Variants in ADRA1B observed in about 807,000 individuals in gnomAD.
The protein encoded by ADRA1B is alpha-1B adrenergic receptor.
Under a neutral mutation model 17.9 loss-of-function variants are expected in ADRA1B, and 17 were observed. The observed-to-expected ratio is 0.95, with a 90% CI of 0.65 to 1.42. The LOEUF (loss-of-function observed/expected upper bound fraction) is 1.42. ADRA1B is among the 40% of genes most tolerant of loss of function. The pLI is 0.00. For missense variants in ADRA1B, 681 were observed against 722.1 expected (o/e 0.94, Z 0.65); for synonymous variants, 366 against 327.6 (o/e 1.12, Z -1.27).
Position 159,917,506 on chromosome 5 carries a change from C to T in ADRA1B, c.601C>T (p.Pro201Ser), listed in dbSNP as rs760728132. The T allele has an allele frequency of 1.2e-6, 2 of 1,614,052 alleles. No homozygotes were observed. The highest frequency in any genetic ancestry group is 1.1e-5 in the South Asian group (1 of 91,062). ...CAAGGAGTGCGGGGTCACCGAAGAA[C>T]CCTTCTATGCCCTCTTCTCCTCTCT... ...DDKECGVTEE[P>S]FYALFSSLGS... is the part of the protein sequence containing the mutation. The change falls in exon 1 of 2, where the codon CCC (proline) becomes TCC (serine). Residue 201 changes from proline (P) to serine (S), a missense_variant. Around this residue, in one of 3 missense-constraint regions of ADRA1B, gnomAD observed 424 missense variants for 480.2 expected, o/e 0.88. Coordinates refer to ENST00000306675, the MANE Select transcript of ADRA1B (RefSeq NM_000679.4).
At chr5:159,952,798 C>T (rs1016417861) in intron 1 of ADRA1B, among the ~76,000 whole-genome samples, 1 of 152,134 alleles carries the variant, frequency 6.6e-6, no homozygotes, top group African/African-American at 2.4e-5. Context: ...CTGTATTTTT[C>T]TTTGAATTTT....
At chr5:159,884,458 T>C (rs1461681239) in intron 1 of ADRA1B, among the ~76,000 whole-genome samples, 3 of 152,194 alleles carry the variant, frequency 2.0e-5, no homozygotes, top group Non-Finnish European at 4.4e-5. Flanking sequence ...CTCTCTTGTG[T>C]ATGTTCTCTT....
intron 1 of ADRA1B, among the ~76,000 whole-genome samples, chr5:159,897,569 A>C (rs1402752868): frequency 1.3e-5 from 2 of 152,156 alleles, no homozygotes; most frequent in African/African-American, 4.8e-5. Context: ...CCACTGCCAG[A>C]AATGTTTCCT....
intron 1 of ADRA1B, among the ~76,000 whole-genome samples, chr5:159,957,147 C>T (rs1755570780): frequency 6.6e-6 from 1 of 152,174 alleles, no homozygotes; most frequent in Non-Finnish European, 1.5e-5. Flanking sequence ...GCTGGAATTA[C>T]AGGTTTGAGC....
At chr5:159,947,634 C>T (rs1755313469) in intron 1 of ADRA1B, 2 of 873,274 alleles carry the variant, frequency 2.3e-6, no homozygotes, top group African/African-American at 3.6e-5. Flanking sequence ...CAAATTAACG[C>T]TAAAGCTATT....
chr5:159,978,898 G>T, the ADRA1B span, among the ~76,000 whole-genome samples: 24,999 of 152,158 alleles, frequency 0.16, 3,672 homozygotes, highest in African/African-American at 0.4. Flanking sequence ...AGTACTTCAT[G>T]CACTCATTTG....
intron 1 of ADRA1B, among the ~76,000 whole-genome samples, chr5:159,958,446 AT>A (rs1466439901): frequency 2.6e-5 from 4 of 151,994 alleles, no homozygotes; most frequent in Admixed American, 6.6e-5. Flanking sequence ...CTGCCCTAGG[AT>A]TTTTTTTAAT....
At chr5:159,962,919 CTTTT>C (rs1471783077) in intron 1 of ADRA1B, among the ~76,000 whole-genome samples, 2 of 76,666 alleles carry the variant, frequency 2.6e-5, no homozygotes, top group Non-Finnish European at 5.3e-5. Flanking sequence ...TTCTTTCTTT[CTTTT>C]TCTTTTCTTT....
intron 1 of ADRA1B, among the ~76,000 whole-genome samples, chr5:159,920,942 C>T (rs1466693415): frequency 6.6e-6 from 1 of 152,140 alleles, no homozygotes; most frequent in Non-Finnish European, 1.5e-5. Flanking sequence ...GTAGGAGCAA[C>T]TTCCAATTGG....
At chr5:159,869,385 A>C (rs1753706944) in intron 1 of ADRA1B, 1 of 152,232 alleles carries the variant, frequency 6.6e-6, no homozygotes, top group African/African-American at 2.4e-5. Context: ...GAGGAACTAA[A>C]GTTCTTTTAA....
the ADRA1B span, among the ~76,000 whole-genome samples, chr5:159,980,298 T>C: frequency 2.6e-5 from 4 of 152,092 alleles, no homozygotes. Flanking sequence ...ACAGGTACAA[T>C]AATCTCCACC....
At chr5:159,921,150 A>AGCAG (rs1400643749) in intron 1 of ADRA1B, among the ~76,000 whole-genome samples, 5 of 152,168 alleles carry the variant, frequency 3.3e-5, no homozygotes, top group Non-Finnish European at 7.3e-5. Context: ...CTGCCTGCAG[A>AGCAG]GCAGGGCCTC....
At chr5:159,973,720 A>G (rs1755928915), downstream of ADRA1B, among the ~76,000 whole-genome samples, 1 of 152,194 alleles carries the variant, frequency 6.6e-6, no homozygotes, top group Admixed American at 6.5e-5. Flanking sequence ...GGAGTCGATA[A>G]CTTGGGTTCT....
chr5:159,919,564 T>C lies in ADRA1B; in HGVS notation c.949+1710T>C, dbSNP rs572294624. 3.3e-5 allele frequency among the ~76,000 whole-genome samples: 5 copies of C among 152,376 alleles called. No homozygotes were observed. In the South Asian group the frequency reaches 1.0e-3, roughly 32 times the overall value. On this transcript the variant is annotated intron_variant, in intron 1 of 1. Coordinates refer to ENST00000306675, the MANE Select transcript of ADRA1B (RefSeq NM_000679.4). Reference sequence around the variant, plus strand: ...ACAGTATCTGGTGTATAGCAGATGCTCAATGAAAGTTAGCTATGAGCAGTA... The same window carrying C: ...ACAGTATCTGGTGTATAGCAGATGCCCAATGAAAGTTAGCTATGAGCAGTA...
At chr5:159,983,085 C>A in the ADRA1B span, among the ~76,000 whole-genome samples, 2 of 152,182 alleles carry the variant, frequency 1.3e-5, no homozygotes, top group Non-Finnish European at 2.9e-5. Flanking sequence ...GCACCTGCTG[C>A]AGAATTCAGG....
At chr5:159,984,786 A>G in the ADRA1B span, among the ~76,000 whole-genome samples, 2 of 151,598 alleles carry the variant, frequency 1.3e-5, no homozygotes, top group Admixed American at 6.6e-5. Flanking sequence ...GCGAGTGTCT[A>G]CAATCCCAGC....
chr5:159,904,466 C>T (rs901511288), intron 1 of ADRA1B, among the ~76,000 whole-genome samples: 1 of 152,218 alleles, frequency 6.6e-6, no homozygotes, highest in African/African-American at 2.4e-5. Flanking sequence ...CAAATGGGTA[C>T]ATTTGTGGAA....
At chr5:159,945,833 C>T (rs1424853574) in intron 1 of ADRA1B, among the ~76,000 whole-genome samples, 5 of 151,686 alleles carry the variant, frequency 3.3e-5, no homozygotes, top group Non-Finnish European at 7.4e-5. Context: ...CTGCAAGCTC[C>T]GCCTCCCGGG....
chr5:159,920,442 G>A (rs1754447971), intron 1 of ADRA1B, among the ~76,000 whole-genome samples: 1 of 152,136 alleles, frequency 6.6e-6, no homozygotes, highest in Non-Finnish European at 1.5e-5. Context: ...CAGGTCCTGA[G>A]CTTCCACACA....
Sources: gnomAD v4.1 joint callset for allele counts (sites outside exome capture counted in the v4.1 genomes callset) on GRCh38, gnomAD v4.1.1 for gene constraint, gnomAD v4.1.1 regional missense constraint, MANE v1.5 for transcripts, NCBI Gene and HGNC (gene_info 2026-07-23, HGNC 2026-07-21) for gene names.